The following DYM variants were observed in gnomAD, a reference collection of about 807,000 sequenced individuals.
DYM encodes the protein dyggve-Melchior-Clausen syndrome protein.
Under a neutral mutation model 93.1 loss-of-function variants are expected in DYM, and 78 were observed. The observed-to-expected ratio is 0.84, with a 90% CI of 0.70 to 1.01. The LOEUF is 1.01. Ranked by LOEUF, DYM falls within the 50% of genes least tolerant of loss-of-function variation. DYM has a pLI of 0.00. For synonymous variants in DYM, 321 were observed against 319.7 expected (o/e 1.00, Z -0.04); for missense variants, 789 against 845.0 (o/e 0.93, Z 0.82).
chr18:49,141,388 C>T (rs1422726075), intron 15 of DYM, among the ~76,000 whole-genome samples: 1 of 152,162 alleles, frequency 6.6e-6, no homozygotes, highest in Admixed American at 6.5e-5. Flanking sequence ...AACCTCCAAA[C>T]TCTTTACCGT....
intron 6 of DYM, among the ~76,000 whole-genome samples, chr18:49,358,658 A>G (rs2065769795): frequency 6.6e-6 from 1 of 152,202 alleles, no homozygotes; most frequent in Non-Finnish European, 1.5e-5. Flanking sequence ...CAGGTTCATA[A>G]GAAAGACCAC....
chr18:49,371,386 C>T (rs1239544392), intron 5 of DYM, among the ~76,000 whole-genome samples: 3 of 152,088 alleles, frequency 2.0e-5, no homozygotes, highest in Non-Finnish European at 4.4e-5. Flanking sequence ...GTGCCTGTAG[C>T]CCTAGCTATT....
intron 13 of DYM, among the ~76,000 whole-genome samples, chr18:49,224,815 A>G (rs565833640): frequency 6.6e-6 from 1 of 152,258 alleles, no homozygotes; most frequent in African/African-American, 2.4e-5. Flanking sequence ...ACCCGAACTA[A>G]GACAGGGTGA....
At chr18:49,106,232 C>T (rs974008855) in intron 16 of DYM, among the ~76,000 whole-genome samples, 1 of 152,094 alleles carries the variant, frequency 6.6e-6, no homozygotes, top group Non-Finnish European at 1.5e-5. Flanking sequence ...GATTGCAACC[C>T]CTGCCTTTTG....
At chr18:49,389,535 T>G (rs2068976980) in intron 3 of DYM, among the ~76,000 whole-genome samples, 1 of 152,166 alleles carries the variant, frequency 6.6e-6, no homozygotes, top group Admixed American at 6.6e-5. Context: ...CTTGCTGTAT[T>G]GTCCAGACTG....
chr18:49,194,472 C>A (rs1053833782), intron 14 of DYM, among the ~76,000 whole-genome samples: 14 of 152,164 alleles, frequency 9.2e-5, no homozygotes, highest in Non-Finnish European at 2.1e-4. Context: ...TCATATCGTT[C>A]TTTCCTAAGG....
intron 17 of DYM, among the ~76,000 whole-genome samples, chr18:49,059,415 T>C (rs1334523414): frequency 6.6e-6 from 1 of 152,200 alleles, no homozygotes; most frequent in East Asian, 1.9e-4. Flanking sequence ...GCATCCTTCT[T>C]TCCTTTTTAT....
intron 3 of DYM, among the ~76,000 whole-genome samples, chr18:49,389,683 G>A (rs1415176852): frequency 4.0e-5 from 6 of 151,822 alleles, no homozygotes; most frequent in Non-Finnish European, 2.9e-5. Context: ...ATTTTTTTGC[G>A]TGTAGATGGG....
At chr18:49,403,891 T>C (rs2071140056) in intron 2 of DYM, among the ~76,000 whole-genome samples, 1 of 152,228 alleles carries the variant, frequency 6.6e-6, no homozygotes, top group African/African-American at 2.4e-5. Context: ...TCTAGCTGCA[T>C]CCATGTTGCT....
intron 8 of DYM, among the ~76,000 whole-genome samples, chr18:49,316,584 AC>A (rs1294122793): frequency 2.0e-5 from 3 of 152,184 alleles, no homozygotes; most frequent in Non-Finnish European, 4.4e-5. Flanking sequence ...AATAAAAACA[AC>A]GTTTACTGAA....
intron 13 of DYM, among the ~76,000 whole-genome samples, chr18:49,216,813 GC>G (rs1165649166): frequency 6.6e-6 from 1 of 152,154 alleles, no homozygotes; most frequent in African/African-American, 2.4e-5. Context: ...AAAAAACAGA[GC>G]AAAAAAACTG....
intron 6 of DYM, among the ~76,000 whole-genome samples, chr18:49,350,974 G>C (rs1350716900): frequency 1.3e-5 from 2 of 152,014 alleles, no homozygotes; most frequent in Non-Finnish European, 2.9e-5. Flanking sequence ...TTTTTTAAAA[G>C]ATGTAAAAAG....
At chr18:49,414,378 T>C (rs1271921697) in intron 2 of DYM, among the ~76,000 whole-genome samples, 1 of 152,130 alleles carries the variant, frequency 6.6e-6, no homozygotes, top group East Asian at 1.9e-4. Context: ...ATTTTATGTT[T>C]ATTTTACCAC....
chr18:49,100,914 T>C (rs1206518425), intron 16 of DYM, among the ~76,000 whole-genome samples: 1 of 152,202 alleles, frequency 6.6e-6, no homozygotes, highest in Admixed American at 6.5e-5. Flanking sequence ...AATGGAGCAT[T>C]AGCTTAGTTT....
chr18:49,394,005 A>C (rs2069723301), intron 2 of DYM, among the ~76,000 whole-genome samples: 1 of 152,146 alleles, frequency 6.6e-6, no homozygotes, highest in Non-Finnish European at 1.5e-5. Context: ...ACTAGTGTTT[A>C]GTCAGTATAG....
chr18:49,389,765 C>A (rs190358716), intron 3 of DYM, among the ~76,000 whole-genome samples: 1 of 152,228 alleles, frequency 6.6e-6, no homozygotes, highest in Non-Finnish European at 1.5e-5. Flanking sequence ...TGACCTCAAG[C>A]AACCCTCCTG....
At chr18:49,359,794 G>A (rs983063956) in intron 6 of DYM, 1 of 152,166 alleles carries the variant, frequency 6.6e-6, no homozygotes, top group African/African-American at 2.4e-5. Flanking sequence ...AATGTGAAAC[G>A]TTTATAGCAC....
chr18:49,073,892 G>C (rs990537986), intron 17 of DYM, among the ~76,000 whole-genome samples: 3 of 152,186 alleles, frequency 2.0e-5, no homozygotes, highest in Non-Finnish European at 4.4e-5. Flanking sequence ...CCAGGCCCAG[G>C]ATAAGTAGAG....
At chr18:49,071,205 C>CAG (rs2076860451) in intron 17 of DYM, among the ~76,000 whole-genome samples, 1 of 152,156 alleles carries the variant, frequency 6.6e-6, no homozygotes, top group Non-Finnish European at 1.5e-5. Flanking sequence ...TATTTAATGG[C>CAG]AGAGGCTGCT....
Sources: allele counts gnomAD v4.1 joint callset (sites outside exome capture counted in the v4.1 genomes callset), GRCh38; gene constraint gnomAD v4.1.1; transcripts MANE v1.5; gene names NCBI Gene and HGNC (gene_info 2026-07-23, HGNC 2026-07-21).